Variants in PCSK5 observed in about 807,000 individuals in gnomAD.
PCSK5 encodes the protein proprotein convertase subtilisin/kexin type 5.
PCSK5 carries 129 observed loss-of-function variants against 233.2 expected under a neutral mutation model. The observed-to-expected ratio is 0.55, with a 90% CI of 0.48 to 0.64. The LOEUF is 0.64. Ranked by LOEUF, PCSK5 falls within the 30% of genes least tolerant of loss-of-function variation. The pLI, the probability that PCSK5 is intolerant of heterozygous loss-of-function variation, is 0.00. For synonymous variants in PCSK5, 825 were observed against 879.2 expected (o/e 0.94, Z 1.09); for missense variants, 2,076 against 2,430.1 (o/e 0.85, Z 3.06).
intron 1 of PCSK5, among the ~76,000 whole-genome samples, chr9:75,928,638 T>TATATAA (rs1491404962): frequency 2.2e-4 from 28 of 128,590 alleles, no homozygotes; most frequent in African/African-American, 6.7e-4. Flanking sequence ...TATATATATA[T>TATATAA]AATCCTAGAA....
intron 24 of PCSK5, among the ~76,000 whole-genome samples, chr9:76,263,081 T>C (rs12376380): frequency 0.46 from 69,962 of 150,926 alleles, 18,203 homozygotes; most frequent in East Asian, 0.59. Flanking sequence ...CAATGAGATA[T>C]CATCTCACAC....
chr9:76,059,004 G>A (rs1164237399), intron 5 of PCSK5, among the ~76,000 whole-genome samples: 4 of 152,064 alleles, frequency 2.6e-5, no homozygotes, highest in Non-Finnish European at 5.9e-5. Context: ...CGAAAAAAAA[G>A]AAAGAAAAGA....
At chr9:76,322,982 G>C in intron 31 of PCSK5, 70 bp from the exon 32 acceptor site, 1 of 818,222 alleles carries the variant, frequency 1.2e-6, no homozygotes, top group East Asian at 2.6e-5. Flanking sequence ...GGAGGAGCTA[G>C]CCTACTGCAG....
chr9:75,897,641 GCAC>G (rs1319004536), intron 1 of PCSK5, among the ~76,000 whole-genome samples: 1 of 151,952 alleles, frequency 6.6e-6, no homozygotes, highest in Non-Finnish European at 1.5e-5. Context: ...TTACAGGCAA[GCAC>G]CACCACACCT....
At chr9:76,172,363 G>A (rs2131188007) in intron 13 of PCSK5, among the ~76,000 whole-genome samples, 1 of 152,112 alleles carries the variant, frequency 6.6e-6, no homozygotes, top group Admixed American at 6.5e-5. Flanking sequence ...AACAGAAAAA[G>A]GGGTAGAGGA....
chr9:76,041,809 A>G (rs958384170), intron 5 of PCSK5, among the ~76,000 whole-genome samples: 12 of 148,592 alleles, frequency 8.1e-5, no homozygotes, highest in African/African-American at 2.7e-4. Flanking sequence ...ATTACACCCC[A>G]GTCTGGGTGA....
intron 30 of PCSK5, among the ~76,000 whole-genome samples, chr9:76,320,181 C>T (rs564658371): frequency 9.1e-4 from 139 of 151,994 alleles, no homozygotes; most frequent in Non-Finnish European, 1.7e-3. Context: ...TCTCCACACA[C>T]GGGGAGAACA....
chr9:75,979,676 A>T (rs1173152736), intron 2 of PCSK5, among the ~76,000 whole-genome samples: 1 of 152,230 alleles, frequency 6.6e-6, no homozygotes, highest in Admixed American at 6.5e-5. Context: ...CTTTTGCATT[A>T]GCTGGTCACA....
At chr9:76,069,169 G>A (rs1051783943) in intron 6 of PCSK5, among the ~76,000 whole-genome samples, 7 of 152,152 alleles carry the variant, frequency 4.6e-5, no homozygotes, top group Non-Finnish European at 8.8e-5. Flanking sequence ...TAAGCACAAT[G>A]CATATGAAAG....
chr9:76,048,377 A>G (rs117663653), intron 5 of PCSK5, among the ~76,000 whole-genome samples: 13 of 152,320 alleles, frequency 8.5e-5, no homozygotes, highest in Non-Finnish European at 1.6e-4. Flanking sequence ...GTATCCTGTT[A>G]GAAGGAGCCT....
Position 75,976,575 on chromosome 9 carries a change from C to G in PCSK5, c.298-9557C>G, listed in dbSNP as rs1468829173. 3.3e-5 allele frequency among the ~76,000 whole-genome samples: 5 copies of G among 151,710 alleles called. No individual in the cohort carries two copies. In the East Asian group the frequency reaches 9.7e-4, roughly 29 times the overall value. ...ATGAGCCTGAAGTCTTTGAAATTAT[C>G]TTTCCTGCAAGGATAAAGTAAAGCC... is the stretch of plus-strand genomic sequence containing the variant. On this transcript the variant is annotated intron_variant, in intron 2 of 37. Transcript: ENST00000674117.
chr9:76,115,163 G>A (rs1043663185), intron 9 of PCSK5, among the ~76,000 whole-genome samples: 4 of 152,046 alleles, frequency 2.6e-5, no homozygotes, highest in African/African-American at 9.7e-5. Context: ...ATTAGAAGCT[G>A]CATAAAAATC....
Position 76,328,102 on chromosome 9 carries a change from C to T in PCSK5, c.4433C>T (p.Ala1478Val), listed in dbSNP as rs1829421775. The change falls in exon 33 of 38, where the codon GCC becomes GTC. Residue 1478 changes from alanine (A) to valine (V), a missense_variant. Coordinates refer to ENST00000674117, the MANE Select transcript of PCSK5 (RefSeq NM_001372043.1). ...ATGAACCCTCGTGGGAGCTGCATGGCCAACGAGAAGTGCTCACCCTCCGAG... is the reference window on the plus strand; with the variant it reads ...ATGAACCCTCGTGGGAGCTGCATGGTCAACGAGAAGTGCTCACCCTCCGAG... ...LIMNPRGSCM[A>V]NEKCSPSEYW... is the part of the protein sequence containing the mutation. 5.0e-6 allele frequency: 8 copies of T among 1,612,700 alleles called. No homozygotes were observed. Among genetic ancestry groups the T allele is most frequent in the African/African-American group, 1.3e-5 (1 of 74,924 alleles).
intron 1 of PCSK5, among the ~76,000 whole-genome samples, chr9:75,929,308 C>T (rs1219116513): frequency 1.3e-5 from 2 of 152,150 alleles, no homozygotes; most frequent in African/African-American, 2.4e-5. Flanking sequence ...GCACTAGGAG[C>T]TGGGAATAAA....
intron 30 of PCSK5, among the ~76,000 whole-genome samples, chr9:76,312,986 G>T (rs1337181186): frequency 6.6e-6 from 1 of 152,152 alleles, no homozygotes; most frequent in Non-Finnish European, 1.5e-5. Flanking sequence ...CAAGAGAAAA[G>T]AAAACATTTT....
intron 2 of PCSK5, among the ~76,000 whole-genome samples, chr9:75,972,486 C>T (rs538031276): frequency 1.2e-4 from 18 of 152,264 alleles, no homozygotes; most frequent in South Asian, 4.1e-4. Flanking sequence ...ACCATTTTCA[C>T]GATGTTGATT....
At chr9:76,066,930 C>G (rs915890142) in intron 5 of PCSK5, among the ~76,000 whole-genome samples, 1 of 152,102 alleles carries the variant, frequency 6.6e-6, no homozygotes, top group Non-Finnish European at 1.5e-5. Context: ...TAGATGCCCT[C>G]CTCTCTAAAA....
At chr9:76,248,089 CT>C (rs1014838751) in intron 24 of PCSK5, among the ~76,000 whole-genome samples, 3 of 148,922 alleles carry the variant, frequency 2.0e-5, no homozygotes, top group African/African-American at 4.9e-5. Flanking sequence ...CGACCTTAAT[CT>C]TTTTTAAAAA....
intron 9 of PCSK5, among the ~76,000 whole-genome samples, chr9:76,119,577 A>T (rs1832555639): frequency 1.3e-5 from 2 of 152,110 alleles, no homozygotes; most frequent in Non-Finnish European, 2.9e-5. Flanking sequence ...GCTCTTTCCT[A>T]TGTCAACATT....
Sources: allele counts gnomAD v4.1 joint callset (sites outside exome capture counted in the v4.1 genomes callset), GRCh38; gene constraint gnomAD v4.1.1; transcripts MANE v1.5; gene names NCBI Gene and HGNC (gene_info 2026-07-23, HGNC 2026-07-21).